IFNLR1: variants seen among roughly 807,000 people sequenced by gnomAD.
IFNLR1 encodes CRF2-12.
Under a neutral mutation model 52.5 loss-of-function variants are expected in IFNLR1, and 28 were observed. The ratio of observed to expected loss-of-function variants is 0.53; its 90% CI spans 0.40 to 0.73. The LOEUF is 0.73. Among genes scored for constraint, IFNLR1 ranks in the 30% least tolerant of loss-of-function variants. The pLI is 0.00. For synonymous variants in IFNLR1, 276 were observed against 274.9 expected (o/e 1.00, Z -0.04); for missense variants, 623 against 659.1 (o/e 0.95, Z 0.60).
intron 1 of IFNLR1, 116 bp downstream of exon 1, chr1:24,187,075 C>T: frequency 1.7e-6 from 1 of 599,130 alleles, no homozygotes; most frequent in Non-Finnish European, 2.6e-6. Flanking sequence ...CGATTCGCAC[C>T]CGGCTCGGGT....
chr1:24,179,607 G>A (rs1241346632), intron 2 of IFNLR1, among the ~76,000 whole-genome samples: 3 of 152,172 alleles, frequency 2.0e-5, no homozygotes, highest in South Asian at 2.1e-4. Context: ...AGTCGGACCC[G>A]AGTTCCCCTT....
intron 4 of IFNLR1, 149 bp downstream of exon 4, chr1:24,161,393 T>A (rs1644441286): frequency 1.2e-6 from 1 of 837,224 alleles, no homozygotes; most frequent in Non-Finnish European, 1.9e-6. Flanking sequence ...TGATCAGATT[T>A]TATTAGGGCT....
chr1:24,169,599 G>A lies in IFNLR1; in HGVS notation c.185C>T (p.Ser62Phe). The change falls in exon 3 of 7, where the codon TCT (serine) becomes TTT (phenylalanine). Residue 62 changes from serine to phenylalanine, a missense_variant and splice_region_variant. Transcript: ENST00000327535. ...TTCGCGCCACCGTCTACGGGTGGGA[G>A]AGCTGGGGGAGGAGAGAGGAGAGCT... ...DVTYFVAYQS[S>F]PTRRRWREVE... The A allele has an allele frequency of 4.3e-6, 7 of 1,612,372 alleles. No individual in the cohort carries two copies. The highest frequency in any genetic ancestry group is 1.7e-4 in the Middle Eastern group (1 of 6,052).
intron 2 of IFNLR1, among the ~76,000 whole-genome samples, chr1:24,176,010 T>A (rs1212044504): frequency 8.6e-5 from 13 of 150,658 alleles, no homozygotes; most frequent in Admixed American, 8.6e-4. Context: ...AGGACACAAA[T>A]TTTGGGAGGC....
rs1161503576 is a variant in IFNLR1, at chr1:24,187,125, G to A, written c.58+66C>T. 6 of 1,123,966 alleles carry A rather than the reference G, an allele frequency of 5.3e-6. No homozygotes were observed. In the East Asian group the frequency reaches 1.9e-4, roughly 36 times the overall value. 69.6% of individuals were successfully genotyped at this position (1,123,966 alleles called of 1,614,324 possible). On this transcript the variant is annotated intron_variant, in intron 1 of 6. Coordinates refer to ENST00000327535, the MANE Select transcript of IFNLR1 (RefSeq NM_170743.4). ...TGCCTGTCCCAGGAGCTCCGGGTCC[G>A]AGGGTAGGCGCGGCCCGGCCCGGGG...
intron 3 of IFNLR1, among the ~76,000 whole-genome samples, chr1:24,163,136 T>C (rs371906937): frequency 6.6e-6 from 1 of 151,494 alleles, no homozygotes; most frequent in Non-Finnish European, 1.5e-5. Context: ...ACTTTTTGTA[T>C]TTTTTAGTAG....
chr1:24,159,117 C>T lies in IFNLR1; in HGVS notation c.736G>A (p.Gly246Ser). The change falls in exon 6 of 7, where the codon GGT (glycine) becomes AGT (serine). Residue 246 changes from glycine (G) to serine (S), a missense_variant. By Grantham distance (56) the Gly-to-Ser change is moderately conservative. Transcript: ENST00000327535. Reference sequence around the variant, plus strand: ...CCCATGAGGGTCTTCCAGATCACACCCCCTGCGGCAATTACTAACAGCAGT... The same window carrying T: ...CCCATGAGGGTCTTCCAGATCACACTCCCTGCGGCAATTACTAACAGCAGT... ...LILLLVIAAGGVIWKTLMGNP... is the reference protein window; with the variant it reads ...LILLLVIAAGSVIWKTLMGNP... 5 of 1,614,142 alleles carry T rather than the reference C, an allele frequency of 3.1e-6. No homozygotes were observed. The highest frequency in any genetic ancestry group is 2.2e-5 in the East Asian group (1 of 44,874).
Position 24,187,198 on chromosome 1 carries a change from G to C in IFNLR1, c.51C>G (p.Ala17=). 1 of 1,342,484 alleles carries C rather than the reference G, an allele frequency of 7.4e-7. No homozygotes were observed. 83.2% of individuals were successfully genotyped at this position (1,342,484 alleles called of 1,614,324 possible). Residue 17 remains alanine, a synonymous_variant, in exon 1 of 7, where the codon GCC becomes GCG. Transcript: ENST00000327535. ...WGPLLLCLLQ[A]APGRPRLAPP... is the part of the protein sequence containing the mutation. ...GCGGCCCCGCGCCCTTACCTGGAGC[G>C]GCCTGCAGCAGGCACAGGAGCAGGG... is the stretch of plus-strand genomic sequence containing the variant.
intron 4 of IFNLR1, among the ~76,000 whole-genome samples, chr1:24,160,979 G>A (rs190155718): frequency 1.3e-5 from 2 of 151,358 alleles, no homozygotes; most frequent in East Asian, 1.9e-4. Context: ...CCACCACCTC[G>A]GCCTCCCAAA....
intron 5 of IFNLR1, 90 bp from the exon 6 acceptor site, chr1:24,159,272 T>C: frequency 6.7e-7 from 1 of 1,482,306 alleles, no homozygotes; most frequent in Non-Finnish European, 9.3e-7. Context: ...CATGACCCTA[T>C]TTAATCCTCA....
chr1:24,168,296 A>G (rs78068628), intron 3 of IFNLR1, among the ~76,000 whole-genome samples: 2,624 of 152,052 alleles, frequency 0.017, 69 homozygotes, highest in African/African-American at 0.059. Flanking sequence ...GCTGCCCTGC[A>G]ATCAGTCTGT....
At chr1:24,184,944 G>C (rs1022594454) in intron 1 of IFNLR1, among the ~76,000 whole-genome samples, 1 of 152,110 alleles carries the variant, frequency 6.6e-6, no homozygotes, top group Non-Finnish European at 1.5e-5. Context: ...GCTTGAACCC[G>C]ATAGGTGGAG....
At chr1:24,162,831 TTTTC>T (rs71029518) in intron 3 of IFNLR1, among the ~76,000 whole-genome samples, 41 of 33,844 alleles carry the variant, frequency 1.2e-3, no homozygotes, top group African/African-American at 3.5e-3. Flanking sequence ...TCTTTCTTTC[TTTTC>T]TTTCTTTCTT....
At position 24,162,807 on chromosome 1, in the gene IFNLR1, C is replaced by T. The variant is rs1292176907; in HGVS notation, c.368-1123G>A. Among the ~76,000 whole-genome samples, 314 of 83,802 alleles carry T rather than the reference C, an allele frequency of 3.7e-3. 15 individuals carry two copies. Among genetic ancestry groups the T allele is most frequent in the East Asian group, 8.7e-3 (20 of 2,310 alleles). 55.0% of individuals were successfully genotyped at this position (83,802 alleles called of 152,430 possible). On this transcript the variant is annotated intron_variant, in intron 3 of 6. Transcript: ENST00000327535. ...CTTTCTTTTTCTTTCTTTCTTTTTTCTTTCTTTTTTTCTTCTTTCTTTCTT... is the reference window on the plus strand; with the variant it reads ...CTTTCTTTTTCTTTCTTTCTTTTTTTTTTCTTTTTTTCTTCTTTCTTTCTT...
chr1:24,172,495 A>G (rs527808330), intron 2 of IFNLR1, among the ~76,000 whole-genome samples: 1 of 152,298 alleles, frequency 6.6e-6, no homozygotes, highest in Admixed American at 6.5e-5. Flanking sequence ...AATTCATTTC[A>G]GAAGTGAAGA....
At chr1:24,180,426 C>A (rs1644677333) in intron 2 of IFNLR1, among the ~76,000 whole-genome samples, 1 of 152,122 alleles carries the variant, frequency 6.6e-6, no homozygotes, top group African/African-American at 2.4e-5. Context: ...CCTCATCCAG[C>A]CACTTGAGAA....
chr1:24,162,711 CTTTCTTTCTTTCT>C (rs1303771044), intron 3 of IFNLR1, among the ~76,000 whole-genome samples: 456 of 39,298 alleles, frequency 0.012, 84 homozygotes, highest in African/African-American at 0.019. Flanking sequence ...CTTTTCTTTT[CTTTCTTTCTTTCT>C]TTTCTTTCTT....
intron 1 of IFNLR1, among the ~76,000 whole-genome samples, chr1:24,186,099 G>A (rs542162336): frequency 5.3e-5 from 8 of 152,210 alleles, no homozygotes; most frequent in African/African-American, 1.9e-4. Flanking sequence ...GACAGTGAAA[G>A]GGGAACAGAA....
At position 24,157,103 on chromosome 1, in the gene IFNLR1, A is replaced by G; in HGVS notation, c.*27T>C. 6.3e-6 allele frequency: 10 copies of G among 1,577,534 alleles called. No individual in the cohort carries two copies. The highest frequency in any genetic ancestry group is 8.6e-6 in the Non-Finnish European group (10 of 1,163,124). The stretch of plus-strand genomic sequence containing the variant: ...TCCTTGCAAAGGCAGCAGCAGCATC[A>G]GATTCGGTGGGATGTCGGGGGACAG... On this transcript the variant is annotated 3_prime_UTR_variant, in exon 7 of 7. Coordinates refer to ENST00000327535, the MANE Select transcript of IFNLR1 (RefSeq NM_170743.4). The surrounding 1 kb of genome is among the most constrained non-coding windows in gnomAD (Gnocchi z 5.1).
Sources: allele counts gnomAD v4.1 joint callset (sites outside exome capture counted in the v4.1 genomes callset), GRCh38; gene constraint gnomAD v4.1.1; non-coding constraint Gnocchi (gnomAD v3.1); transcripts MANE v1.5; gene names NCBI Gene and HGNC (gene_info 2026-07-23, HGNC 2026-07-21).